The following CACNA1E variants were observed in gnomAD, a reference collection of about 807,000 sequenced individuals.
CACNA1E encodes voltage-dependent R-type calcium channel subunit alpha-1E.
Under a neutral mutation model 259.2 loss-of-function variants are expected in CACNA1E, and 40 were observed. The ratio of observed to expected loss-of-function variants is 0.15; its 90% CI spans 0.12 to 0.20. CACNA1E has a LOEUF of 0.20. CACNA1E is among the 10% of genes least tolerant of loss of function. The pLI is 1.00. For synonymous variants in CACNA1E, 1,104 were observed against 1,138.5 expected (o/e 0.97, Z 0.61); for missense variants, 1,874 against 3,040.1 (o/e 0.62, Z 9.02).
In CACNA1E at chr1:181,766,527, A is replaced by C. The variant is rs375470004; in HGVS notation, c.4816-19A>C. Reference sequence around the variant, plus strand: ...GCTGCTTTTCTTTGATTAACGTCTTATCTCTGCTTTCCTTCCAGGCCCTCC... The same window carrying C: ...GCTGCTTTTCTTTGATTAACGTCTTCTCTCTGCTTTCCTTCCAGGCCCTCC... On this transcript the variant is annotated intron_variant, in intron 34 of 47. Coordinates refer to ENST00000367573, the MANE Select transcript of CACNA1E (RefSeq NM_001205293.3). 3 of 1,597,176 alleles carry C rather than the reference A, an allele frequency of 1.9e-6. No individual in the cohort carries two copies. The highest frequency in any genetic ancestry group is 2.2e-5 in the South Asian group (2 of 90,576).
At chr1:181,458,988 A>G (rs1661637441) in intron 2 of CACNA1E, among the ~76,000 whole-genome samples, 1 of 152,242 alleles carries the variant, frequency 6.6e-6, no homozygotes. Flanking sequence ...CTCTGCTCTC[A>G]AGGAGCTTAC....
chr1:181,510,674 T>G, intron 2 of CACNA1E, 92 bp downstream of exon 2: 2 of 809,698 alleles, frequency 2.5e-6, no homozygotes, highest in Non-Finnish European at 4.2e-6. Context: ...CCTTCCTGCC[T>G]GTGAGTTCTG....
chr1:181,428,503 C>T (rs1220454207), intron 2 of CACNA1E, among the ~76,000 whole-genome samples: 1 of 152,010 alleles, frequency 6.6e-6, no homozygotes, highest in Non-Finnish European at 1.5e-5. Flanking sequence ...TTCAGAAGTT[C>T]CTTCAGGGAT....
chr1:181,781,082 C>G (rs190698208), intron 38 of CACNA1E, among the ~76,000 whole-genome samples: 28 of 152,146 alleles, frequency 1.8e-4, no homozygotes, highest in African/African-American at 6.3e-4. Context: ...GAATGCTAAT[C>G]GAGGAGAAAA....
In CACNA1E at chr1:181,581,792, C is replaced by A. The variant is rs539005853; in HGVS notation, c.951+1016C>A. On this transcript the variant is annotated intron_variant, in intron 6 of 47. Coordinates refer to ENST00000367573, the MANE Select transcript of CACNA1E (RefSeq NM_001205293.3). ...CTTACCTGCATTCAGCCAGCCCACC[C>A]CAAAACAGTAACTTTGGAATGATCA... Among the ~76,000 whole-genome samples, 6 of 152,138 alleles carry A rather than the reference C, an allele frequency of 3.9e-5. No individual in the cohort carries two copies. In the South Asian group the frequency reaches 1.2e-3, roughly 32 times the overall value.
chr1:181,436,146 T>C (rs1404862034), intron 2 of CACNA1E, among the ~76,000 whole-genome samples: 1 of 152,164 alleles, frequency 6.6e-6, no homozygotes, highest in Non-Finnish European at 1.5e-5. Flanking sequence ...ATCAGGGAAA[T>C]GCAAATTTAA....
chr1:181,581,949 T>G (rs1375753453), intron 6 of CACNA1E, among the ~76,000 whole-genome samples: 2 of 152,216 alleles, frequency 1.3e-5, no homozygotes, highest in African/African-American at 4.8e-5. Flanking sequence ...AGGTGGCTTA[T>G]ACAAAGCACC....
intron 1 of CACNA1E, among the ~76,000 whole-genome samples, chr1:181,395,147 C>T (rs972873039): frequency 1.3e-5 from 2 of 152,150 alleles, no homozygotes; most frequent in African/African-American, 4.8e-5. Context: ...ATGATGGTGG[C>T]TTGTACCAGG....
At chr1:181,382,403 G>T (rs3966030) in intron 1 of CACNA1E, among the ~76,000 whole-genome samples, 53,133 of 152,042 alleles carry the variant, frequency 0.35, 9,845 homozygotes, top group Admixed American at 0.44. Context: ...AAGCGAACAA[G>T]TGCTTGTGGA....
intron 7 of CACNA1E, among the ~76,000 whole-genome samples, chr1:181,707,418 G>T (rs1361414831): frequency 6.6e-6 from 1 of 152,124 alleles, no homozygotes; most frequent in Non-Finnish European, 1.5e-5. Flanking sequence ...AGGGAACCCA[G>T]CGAGTGAGAC....
chr1:181,778,485 AG>A (rs1349481137), intron 38 of CACNA1E, among the ~76,000 whole-genome samples: 14 of 152,188 alleles, frequency 9.2e-5, no homozygotes, highest in African/African-American at 3.4e-4. Flanking sequence ...GAATGCACAG[AG>A]GTGGAGATGT....
chr1:181,533,612 C>T (rs552121), intron 3 of CACNA1E, among the ~76,000 whole-genome samples: 23,018 of 151,692 alleles, frequency 0.15, 1,952 homozygotes, highest in African/African-American at 0.21. Context: ...TTAGAACTAA[C>T]TTGTCAAAAT....
intron 1 of CACNA1E, among the ~76,000 whole-genome samples, chr1:181,353,198 T>C (rs1015216122): frequency 5.3e-5 from 8 of 152,234 alleles, no homozygotes; most frequent in African/African-American, 1.9e-4. Flanking sequence ...ATCATCTCCC[T>C]GAGATCCTTT....
chr1:181,789,567 T>C (rs748417685), intron 43 of CACNA1E, among the ~76,000 whole-genome samples: 2 of 152,004 alleles, frequency 1.3e-5, no homozygotes, highest in Non-Finnish European at 2.9e-5. Context: ...ATCTGGAAGC[T>C]CACTCTGCAT....
At chr1:181,369,624 A>T (rs1031816337) in intron 1 of CACNA1E, among the ~76,000 whole-genome samples, 3 of 152,190 alleles carry the variant, frequency 2.0e-5, no homozygotes, top group African/African-American at 2.4e-5. Flanking sequence ...AAGGGGCTCC[A>T]GCTGCTCAGG....
intron 6 of CACNA1E, among the ~76,000 whole-genome samples, chr1:181,583,057 G>T (rs938295840): frequency 3.3e-5 from 5 of 151,358 alleles, no homozygotes; most frequent in Non-Finnish European, 7.4e-5. Flanking sequence ...GTTACCCAAA[G>T]ACTGTCTACC....
Position 181,783,712 on chromosome 1 carries a change from G to A in CACNA1E, c.5398G>A (p.Asp1800Asn), listed in dbSNP as rs373022078. The part of the protein sequence containing the change: ...LVLMNMPVAE[D>N]MTVHFTSTLM... ...CCTGATGAACATGCCAGTAGCTGAG[G>A]ACATGACGGTCCACTTCACCTCCAC... The change falls in exon 40 of 48, where the codon GAC (aspartate) becomes AAC (asparagine). Residue 1800 changes from aspartate (D) to asparagine (N), a missense_variant. Asp to Asn is a conservative substitution (Grantham distance 23). Around this residue, in one of 14 missense-constraint regions of CACNA1E, gnomAD observed 147 missense variants for 337.1 expected, o/e 0.44. Transcript: ENST00000367573. The A allele has an allele frequency of 4.8e-5, 77 of 1,612,756 alleles. No homozygotes were observed. Among genetic ancestry groups the A allele is most frequent in the Non-Finnish European group, 6.2e-5 (73 of 1,179,154 alleles).
At chr1:181,464,744 G>A (rs371058722) in intron 2 of CACNA1E, among the ~76,000 whole-genome samples, 4 of 151,694 alleles carry the variant, frequency 2.6e-5, no homozygotes, top group African/African-American at 9.7e-5. Flanking sequence ...AGTACTTCAA[G>A]TCCAATACTG....
intron 32 of CACNA1E, among the ~76,000 whole-genome samples, chr1:181,760,336 C>A (rs1658473796): frequency 6.6e-6 from 1 of 152,186 alleles, no homozygotes; most frequent in Admixed American, 6.5e-5. Context: ...TAAGTCTTTA[C>A]ATTGTTAAGG....
Sources: gnomAD v4.1 joint callset for allele counts (sites outside exome capture counted in the v4.1 genomes callset) on GRCh38, gnomAD v4.1.1 for gene constraint, gnomAD v4.1.1 regional missense constraint, MANE v1.5 for transcripts, NCBI Gene and HGNC (gene_info 2026-07-23, HGNC 2026-07-21) for gene names.